Variants in FGF14 observed in about 807,000 individuals in gnomAD.
FGF14 encodes the protein fibroblast growth factor 14.
FGF14 carries 5 observed loss-of-function variants against 25.5 expected under a neutral mutation model. That is an observed-to-expected ratio of 0.20 (90% CI 0.10 to 0.41). FGF14 has a LOEUF of 0.41. Ranked by LOEUF, FGF14 falls within the 10% of genes least tolerant of loss-of-function variation. FGF14 has a pLI of 1.00. For synonymous variants in FGF14, 138 were observed against 118.3 expected (o/e 1.17, Z -1.08); for missense variants, 222 against 320.1 (o/e 0.69, Z 2.34).
intron 1 of FGF14, among the ~76,000 whole-genome samples, chr13:101,891,035 G>C (rs1423930291): frequency 6.6e-6 from 1 of 152,086 alleles, no homozygotes; most frequent in African/African-American, 2.4e-5. Flanking sequence ...CTGGCCCTTA[G>C]TACAGGCTAA....
chr13:101,853,230 A>G (rs185216859), intron 3 of FGF14, among the ~76,000 whole-genome samples: 286 of 152,144 alleles, frequency 1.9e-3, no homozygotes, highest in African/African-American at 6.7e-3. Context: ...TTTCCAAGAC[A>G]ACCTTTCTGT....
intron 1 of FGF14, among the ~76,000 whole-genome samples, chr13:101,886,075 A>C (rs558470571): frequency 6.6e-6 from 1 of 152,326 alleles, no homozygotes; most frequent in East Asian, 1.9e-4. Context: ...ATCCAAATCT[A>C]CTAGGAAGTT....
intron 1 of FGF14, among the ~76,000 whole-genome samples, chr13:102,241,675 T>C (rs2051609297): frequency 6.6e-6 from 1 of 152,128 alleles, no homozygotes; most frequent in Non-Finnish European, 1.5e-5. Context: ...TAAAAAACCC[T>C]TTCCATGAGT....
upstream of FGF14, among the ~76,000 whole-genome samples, chr13:101,917,791 A>C (rs1214872415): frequency 6.6e-6 from 1 of 152,196 alleles, no homozygotes; most frequent in African/African-American, 2.4e-5. Flanking sequence ...AGGTGTGATT[A>C]AGCGAGATAG....
chr13:102,136,270 T>C (rs1284159466), intron 1 of FGF14, among the ~76,000 whole-genome samples: 1 of 152,206 alleles, frequency 6.6e-6, no homozygotes, highest in East Asian at 1.9e-4. Context: ...GTTTTAAATC[T>C]TGGAACCCTT....
At chr13:102,081,080 T>G (rs923017132) in intron 1 of FGF14, among the ~76,000 whole-genome samples, 4 of 152,202 alleles carry the variant, frequency 2.6e-5, no homozygotes, top group African/African-American at 7.2e-5. Context: ...AAGGTTGAAA[T>G]AGCAGGAGGC....
At chr13:101,859,088 A>G (rs1594510322) in intron 3 of FGF14, among the ~76,000 whole-genome samples, 1 of 152,228 alleles carries the variant, frequency 6.6e-6, no homozygotes, top group Non-Finnish European at 1.5e-5. Context: ...AAATTGACAT[A>G]TCTTCTTTGC....
At chr13:102,281,876 C>T (rs968237258) in intron 1 of FGF14, among the ~76,000 whole-genome samples, 5 of 151,986 alleles carry the variant, frequency 3.3e-5, no homozygotes, top group African/African-American at 1.2e-4. Context: ...ACAGTGGTGG[C>T]AACAAGGGAT....
chr13:102,206,278 G>A (rs535037911), intron 1 of FGF14, among the ~76,000 whole-genome samples: 2 of 151,894 alleles, frequency 1.3e-5, no homozygotes, highest in East Asian at 1.9e-4. Flanking sequence ...CATCCTCTCC[G>A]GTTTCCTAGG....
At chr13:102,348,981 G>T (rs575087901) in intron 1 of FGF14, among the ~76,000 whole-genome samples, 1 of 152,220 alleles carries the variant, frequency 6.6e-6, no homozygotes, top group East Asian at 1.9e-4. Flanking sequence ...TAGACCACTG[G>T]TTCTCCACTC....
At chr13:102,175,932 G>T (rs1176921405) in intron 1 of FGF14, among the ~76,000 whole-genome samples, 2 of 152,106 alleles carry the variant, frequency 1.3e-5, no homozygotes, top group Non-Finnish European at 1.5e-5. Flanking sequence ...TGTTGGCGAG[G>T]ATGTGGAGAA....
At chr13:102,081,537 C>T (rs534117081) in intron 1 of FGF14, among the ~76,000 whole-genome samples, 34 of 152,222 alleles carry the variant, frequency 2.2e-4, no homozygotes, top group Non-Finnish European at 3.2e-4. Context: ...TATTCTCTAT[C>T]ATTTCCTGAA....
At chr13:101,978,090 A>T (rs191128310) in intron 1 of FGF14, among the ~76,000 whole-genome samples, 1 of 152,350 alleles carries the variant, frequency 6.6e-6, no homozygotes, top group East Asian at 1.9e-4. Flanking sequence ...CTCCACTCAT[A>T]TATCTTCCAA....
At chr13:101,790,583 G>T (rs1002408045) in intron 3 of FGF14, among the ~76,000 whole-genome samples, 1 of 152,008 alleles carries the variant, frequency 6.6e-6, no homozygotes, top group African/African-American at 2.4e-5. Context: ...AGTGTACATT[G>T]TTAAAATAAA....
At chr13:101,968,637 C>T (rs962615140) in intron 1 of FGF14, among the ~76,000 whole-genome samples, 1 of 130,574 alleles carries the variant, frequency 7.7e-6, no homozygotes, top group Non-Finnish European at 1.5e-5. Context: ...CGTGCCACTG[C>T]AATCCAGCCT....
Position 101,711,888 on chromosome 13 carries a change from C to T in FGF14, c.*10943G>A, listed in dbSNP as rs911264048. The T allele has an allele frequency of 6.6e-6, 1 of 152,190 alleles. No individual in the cohort carries two copies. The highest frequency in any genetic ancestry group is 1.5e-5 in the Non-Finnish European group (1 of 68,098). 9.4% of individuals were successfully genotyped at this position (152,190 alleles called of 1,614,324 possible). On this transcript the variant is annotated 3_prime_UTR_variant, in exon 5 of 5. Transcript: ENST00000376143. ...GAACTATCTGCCCTAAAACTCCTGC[C>T]AAGATCAGCCAGCTGTTCTCTGGCT...
chr13:101,890,704 T>A (rs2046223084), intron 1 of FGF14, among the ~76,000 whole-genome samples: 1 of 152,200 alleles, frequency 6.6e-6, no homozygotes, highest in Admixed American at 6.6e-5. Flanking sequence ...CAAGGGGTCC[T>A]GTAGCTGCGC....
At chr13:102,383,167 T>G (rs992953304) in intron 1 of FGF14, among the ~76,000 whole-genome samples, 1 of 152,146 alleles carries the variant, frequency 6.6e-6, no homozygotes, top group Non-Finnish European at 1.5e-5. Flanking sequence ...GCTTAAGAAA[T>G]GCAATTACAA....
In FGF14 at chr13:102,058,215, T is replaced by C. The variant is rs112602108; in HGVS notation, c.209-182919A>G. On this transcript the variant is annotated intron_variant, in intron 1 of 4. Coordinates refer to the FGF14 transcript ENST00000376131. Reference sequence around the variant, plus strand: ...TGATGGCTACTGACATAAGCAGAGATTGTAGTCAAATACCGAAAAAAGGAT... The same window carrying C: ...TGATGGCTACTGACATAAGCAGAGACTGTAGTCAAATACCGAAAAAAGGAT... Among the ~76,000 whole-genome samples the C allele has an allele frequency of 4.6e-3, 708 of 152,342 alleles. 6 individuals are homozygous for C. The highest frequency in any genetic ancestry group is 0.015 in the African/African-American group (641 of 41,578).
Sources: allele counts gnomAD v4.1 joint callset (sites outside exome capture counted in the v4.1 genomes callset), GRCh38; gene constraint gnomAD v4.1.1; transcripts MANE v1.5; gene names NCBI Gene and HGNC (gene_info 2026-07-23, HGNC 2026-07-21).